PDE1C: variants seen among roughly 807,000 people sequenced by gnomAD.
PDE1C encodes dual specificity calcium/calmodulin-dependent 3',5'-cyclic nucleotide phosphodiesterase 1C.
In PDE1C, 62 loss-of-function variants were observed where a neutral mutation model predicts 93.1. That is an observed-to-expected ratio of 0.67 (90% CI 0.54 to 0.82). The LOEUF (loss-of-function observed/expected upper bound fraction) is 0.82. Among genes scored for constraint, PDE1C ranks in the 40% least tolerant of loss-of-function variants. The pLI, the probability that PDE1C is intolerant of heterozygous loss-of-function variation, is 0.00. For missense variants in PDE1C, 742 were observed against 884.6 expected (o/e 0.84, Z 2.04); for synonymous variants, 325 against 310.1 (o/e 1.05, Z -0.50).
At chr7:31,760,900 A>G (rs1010321313) in intron 17 of PDE1C, among the ~76,000 whole-genome samples, 8 of 152,164 alleles carry the variant, frequency 5.3e-5, no homozygotes, top group Admixed American at 1.3e-4. Context: ...TATTTCTAAA[A>G]TCAGTATCTG....
chr7:32,127,069 A>G (rs1799627731), intron 3 of PDE1C, among the ~76,000 whole-genome samples: 1 of 152,190 alleles, frequency 6.6e-6, no homozygotes, highest in African/African-American at 2.4e-5. Flanking sequence ...CACAGAACAA[A>G]AAAGGCTGTC....
chr7:32,136,116 G>A lies in PDE1C; in HGVS notation c.308+33669C>T, dbSNP rs1266376824. Reference sequence around the variant, plus strand: ...GAATTGTGGTTACCAGGAGGTAGAGGTGGGGAAAATGGGGATGTGTTGGTC... The same window carrying A: ...GAATTGTGGTTACCAGGAGGTAGAGATGGGGAAAATGGGGATGTGTTGGTC... On this transcript the variant is annotated intron_variant, in intron 3 of 18. Coordinates refer to the PDE1C transcript ENST00000396193. 3.3e-5 allele frequency among the ~76,000 whole-genome samples: 5 copies of A among 152,284 alleles called. No individual in the cohort carries two copies. In the East Asian group the frequency reaches 9.7e-4, roughly 29 times the overall value.
intron 1 of PDE1C, among the ~76,000 whole-genome samples, chr7:32,374,263 G>GAAAGAA (rs1554314019): frequency 8.2e-6 from 1 of 122,466 alleles, no homozygotes; most frequent in African/African-American, 3.3e-5. Flanking sequence ...AAGGAAGAAA[G>GAAAGAA]AAAGAAAGAA....
At chr7:32,222,204 T>C (rs1043755023) in intron 1 of PDE1C, among the ~76,000 whole-genome samples, 4 of 152,160 alleles carry the variant, frequency 2.6e-5, no homozygotes, top group Non-Finnish European at 5.9e-5. Flanking sequence ...CTGTCAGCAC[T>C]GTGATGTCCA....
At chr7:31,771,883 G>A (rs1014856099) in intron 17 of PDE1C, among the ~76,000 whole-genome samples, 4 of 151,824 alleles carry the variant, frequency 2.6e-5, no homozygotes, top group Non-Finnish European at 5.9e-5. Flanking sequence ...GTGAAACCCC[G>A]TCTCTACAAA....
chr7:32,041,935 T>A (rs1309367880), intron 2 of PDE1C, among the ~76,000 whole-genome samples: 1 of 152,186 alleles, frequency 6.6e-6, no homozygotes, highest in Non-Finnish European at 1.5e-5. Flanking sequence ...CTTTTTGACG[T>A]TGATTTATTC....
At chr7:32,408,275 C>G (rs1785097879) in intron 1 of PDE1C, among the ~76,000 whole-genome samples, 1 of 152,174 alleles carries the variant, frequency 6.6e-6, no homozygotes, top group African/African-American at 2.4e-5. Context: ...AATCTTGAGT[C>G]AGTGGTATTT....
chr7:32,322,607 T>A (rs867587130), intron 1 of PDE1C, among the ~76,000 whole-genome samples: 6 of 93,138 alleles, frequency 6.4e-5, no homozygotes, highest in Non-Finnish European at 1.4e-4. Context: ...CCATCTCTAT[T>A]TTTTTCTTTT....
chr7:32,301,670 A>G (rs10264813), upstream of PDE1C, among the ~76,000 whole-genome samples: 8,268 of 152,270 alleles, frequency 0.054, 775 homozygotes, highest in African/African-American at 0.19. Flanking sequence ...CTAACATTAC[A>G]TAAGTCAAGA....
At chr7:31,790,361 A>C in intron 16 of PDE1C, 1 of 905,338 alleles carries the variant, frequency 1.1e-6, no homozygotes, top group Non-Finnish European at 1.7e-6. Context: ...GGGACCAAAA[A>C]AAATGGGATA....
At chr7:32,421,990 G>T (rs1583437253) in intron 1 of PDE1C, among the ~76,000 whole-genome samples, 3 of 152,196 alleles carry the variant, frequency 2.0e-5, no homozygotes, top group Admixed American at 2.0e-4. Context: ...AGAATCAAAA[G>T]AAAGTGAGCC....
intron 17 of PDE1C, among the ~76,000 whole-genome samples, chr7:31,764,693 T>C (rs1424419034): frequency 2.6e-5 from 4 of 152,216 alleles, no homozygotes. Flanking sequence ...TTCCCTGGAT[T>C]TTTTGGAGCT....
At chr7:32,127,733 G>A (rs1403432954) in intron 3 of PDE1C, among the ~76,000 whole-genome samples, 1 of 151,858 alleles carries the variant, frequency 6.6e-6, no homozygotes, top group African/African-American at 2.4e-5. Flanking sequence ...AAATTAATAA[G>A]GACTAGTATA....
chr7:31,662,430 A>C, the PDE1C span, among the ~76,000 whole-genome samples: 1 of 152,164 alleles, frequency 6.6e-6, no homozygotes, highest in Non-Finnish European at 1.5e-5. Flanking sequence ...CTGGAAAAAA[A>C]TCCCGGTAGG....
intron 1 of PDE1C, among the ~76,000 whole-genome samples, chr7:32,379,869 G>A (rs932690885): frequency 3.3e-5 from 5 of 152,192 alleles, no homozygotes; most frequent in Non-Finnish European, 5.9e-5. Flanking sequence ...CTATGCCTTT[G>A]CTGCTTCTTT....
chr7:31,898,048 G>T (rs1332164607), intron 2 of PDE1C, among the ~76,000 whole-genome samples: 19 of 108,226 alleles, frequency 1.8e-4, no homozygotes, highest in African/African-American at 5.4e-4. Flanking sequence ...GTGTGTGTGT[G>T]TGTGTGTGTG....
At chr7:32,099,947 G>C (rs1797962599) in intron 3 of PDE1C, among the ~76,000 whole-genome samples, 1 of 151,820 alleles carries the variant, frequency 6.6e-6, no homozygotes, top group African/African-American at 2.4e-5. Context: ...CTCATTGTCA[G>C]CATCACCAAC....
intron 17 of PDE1C, among the ~76,000 whole-genome samples, chr7:31,775,176 G>A (rs1208816810): frequency 6.6e-6 from 1 of 152,140 alleles, no homozygotes; most frequent in African/African-American, 2.4e-5. Context: ...ATTATTATGA[G>A]CACTATGTCA....
chr7:32,231,445 A>G (rs1807683671), intron 1 of PDE1C, among the ~76,000 whole-genome samples: 1 of 152,242 alleles, frequency 6.6e-6, no homozygotes, highest in South Asian at 2.1e-4. Context: ...AAAATTTAAC[A>G]TCAAAACAGA....
Sources: gnomAD v4.1 joint callset for allele counts (sites outside exome capture counted in the v4.1 genomes callset) on GRCh38, gnomAD v4.1.1 for gene constraint, MANE v1.5 for transcripts, NCBI Gene and HGNC (gene_info 2026-07-23, HGNC 2026-07-21) for gene names.